Variants in RB1CC1 observed in about 807,000 individuals in gnomAD.
RB1CC1 encodes the protein RB1-inducible coiled-coil protein 1.
A neutral mutation model predicts 177.5 loss-of-function variants in RB1CC1; 46 were observed. The observed-to-expected ratio is 0.26, with a 90% confidence interval of 0.20 to 0.33. RB1CC1 has a LOEUF of 0.33. Ranked by LOEUF, RB1CC1 falls within the 10% of genes least tolerant of loss-of-function variation. The pLI is 1.00. For synonymous variants in RB1CC1, 666 were observed against 613.6 expected (o/e 1.09, Z -1.26); for missense variants, 1,703 against 1,816.3 (o/e 0.94, Z 1.13).
At chr8:52,626,115 G>A (rs1358940204) in intron 22 of RB1CC1, among the ~76,000 whole-genome samples, 2 of 152,130 alleles carry the variant, frequency 1.3e-5, no homozygotes, top group African/African-American at 4.8e-5. Flanking sequence ...ATGCTTGTAT[G>A]ATGCCAGAAG....
chr8:52,642,787 CTT>C lies in RB1CC1; in HGVS notation c.4011_4012del (p.Lys1340AsnfsTer9), dbSNP rs1563364716. ...TATGTTTTCTTTTCTCATTTTCTCT[CTT>C]GTTAAAACAGTGTTAAAATTGGTCT... On this transcript the variant is annotated frameshift_variant, in exon 17 of 24. Coordinates refer to ENST00000025008, the MANE Select transcript of RB1CC1 (RefSeq NM_014781.5). LOFTEE classifies it high-confidence loss of function. 6.4e-7 allele frequency: 1 copy of C among 1,565,048 alleles called. No individual in the cohort carries two copies. The highest frequency in any genetic ancestry group is 8.6e-7 in the Non-Finnish European group (1 of 1,164,614).
rs368417786 is a variant in RB1CC1 at position 52,636,016 on chromosome 8, C to T, written c.4391G>A (p.Arg1464Gln). The T allele has an allele frequency of 8.7e-6, 14 of 1,607,128 alleles. No individual in the cohort carries two copies. The highest frequency in any genetic ancestry group is 2.7e-5 in the African/African-American group (2 of 74,710). Reference sequence around the variant, plus strand: ...ACTTCAAGAAGATAATTTACTTACTCGTTCTAACAGCATTATCCGCTGTTT... The same window carrying T: ...ACTTCAAGAAGATAATTTACTTACTTGTTCTAACAGCATTATCCGCTGTTT... Reference protein sequence around the residue: ...EEKQRIMLLERTLQLKEEENK... With the variant: ...EEKQRIMLLEQTLQLKEEENK... The change falls in exon 19 of 24, where the codon CGA (arginine) becomes CAA (glutamine). Residue 1464 changes from arginine to glutamine, a missense_variant and splice_region_variant. Coordinates refer to ENST00000025008, the MANE Select transcript of RB1CC1 (RefSeq NM_014781.5).
At chr8:52,682,012 C>T (rs994065186) in intron 5 of RB1CC1, among the ~76,000 whole-genome samples, 1 of 152,156 alleles carries the variant, frequency 6.6e-6, no homozygotes, top group Non-Finnish European at 1.5e-5. Context: ...TCCTCCAGAC[C>T]CCAGAATGGA....
intron 16 of RB1CC1, among the ~76,000 whole-genome samples, chr8:52,644,320 T>C (rs773908245): frequency 7.2e-5 from 11 of 152,192 alleles, no homozygotes; most frequent in Non-Finnish European, 1.0e-4. Flanking sequence ...ATTTTATAAA[T>C]ATTAAAAGAG....
chr8:52,665,219 T>C (rs1476485510), intron 8 of RB1CC1, among the ~76,000 whole-genome samples: 2 of 152,282 alleles, frequency 1.3e-5, no homozygotes, highest in Middle Eastern at 3.4e-3. Flanking sequence ...TGATCTATAA[T>C]AGACAAAGAA....
At chr8:52,639,557 C>T (rs553054477) in intron 18 of RB1CC1, among the ~76,000 whole-genome samples, 123 of 152,260 alleles carry the variant, frequency 8.1e-4, no homozygotes, top group Admixed American at 1.3e-4. Flanking sequence ...ATGAAAAATA[C>T]TTCTAAATGT....
At chr8:52,679,386 C>G (rs987300792) in intron 5 of RB1CC1, among the ~76,000 whole-genome samples, 1 of 152,202 alleles carries the variant, frequency 6.6e-6, no homozygotes, top group African/African-American at 2.4e-5. Context: ...TGACCTGAAA[C>G]AAAGGCCTAT....
chr8:52,645,663 T>A (rs1433421764), intron 16 of RB1CC1, 39 bp downstream of exon 16: 1 of 1,579,480 alleles, frequency 6.3e-7, no homozygotes, highest in Non-Finnish European at 8.6e-7. Context: ...ATGTCTACCT[T>A]CTTTAGTTCT....
chr8:52,685,510 T>C lies in RB1CC1; in HGVS notation c.-41A>G, dbSNP rs766855132. ...TTCTGTGAGCTTATACCTCACCCTCTGATACAGTTACTAGAAGAAACAAGA... is the reference window on the plus strand; with the variant it reads ...TTCTGTGAGCTTATACCTCACCCTCCGATACAGTTACTAGAAGAAACAAGA... On this transcript the variant is annotated 5_prime_UTR_variant, in exon 3 of 24. Transcript: ENST00000025008. The C allele has an allele frequency of 8.1e-7, 1 of 1,234,290 alleles. No individual in the cohort carries two copies. The highest frequency in any genetic ancestry group is 1.3e-5 in the South Asian group (1 of 77,692). 76.5% of individuals were successfully genotyped at this position (1,234,290 alleles called of 1,614,324 possible).
rs1156483757 is a variant in RB1CC1 at position 52,642,640 on chromosome 8, C to A, written c.4097-49G>T. 1.9e-6 allele frequency: 3 copies of A among 1,597,176 alleles called. No homozygotes were observed. The African/African-American group carries it at 4.1e-5, about 22-fold the overall frequency. On this transcript the variant is annotated intron_variant, in intron 17 of 23. Coordinates refer to ENST00000025008, the MANE Select transcript of RB1CC1 (RefSeq NM_014781.5). ...AAGTATCATGTAATTAAAAAAACCA[C>A]TTTGCATGAATGTATCTTTTCCACT...
intron 8 of RB1CC1, among the ~76,000 whole-genome samples, chr8:52,662,356 TG>T (rs2150506257): frequency 6.6e-6 from 1 of 152,148 alleles, no homozygotes; most frequent in South Asian, 2.1e-4. Context: ...AGGTGAACGG[TG>T]TATCTGTCAA....
chr8:52,642,553 G>A lies in RB1CC1; in HGVS notation c.4135C>T (p.Leu1379Phe), dbSNP rs1425381921. The A allele has an allele frequency of 6.2e-7, 1 of 1,613,676 alleles. No homozygotes were observed. The highest frequency in any genetic ancestry group is 8.5e-7 in the Non-Finnish European group (1 of 1,179,948). The change falls in exon 18 of 24, where the codon CTT becomes TTT. Residue 1379 changes from leucine to phenylalanine, a missense_variant. Leu to Phe is a conservative substitution (Grantham distance 22, BLOSUM62 0). Around this residue, in one of 6 missense-constraint regions of RB1CC1, gnomAD observed 1,169 missense variants for 1,184.7 expected, o/e 0.99. Transcript: ENST00000025008. ...TCTTCAAGCTTTTTCTTTTCCTCAA[G>A]CAAACGAGCTCGATCTTCAGAAAGT... ...ESLSEDRARLLEEKKKLEEEV... is the reference protein window; with the variant it reads ...ESLSEDRARLFEEKKKLEEEV...
intron 15 of RB1CC1, among the ~76,000 whole-genome samples, chr8:52,648,425 C>A (rs1044475471): frequency 2.0e-5 from 3 of 152,096 alleles, no homozygotes; most frequent in African/African-American, 7.2e-5. Context: ...GGGGAATTAA[C>A]CCTAGCAATG....
chr8:52,631,250 A>T (rs375204361), intron 20 of RB1CC1, among the ~76,000 whole-genome samples: 9 of 152,168 alleles, frequency 5.9e-5, no homozygotes, highest in East Asian at 5.8e-4. Flanking sequence ...CAACAAAAAA[A>T]CCAAAAAGAT....
intron 16 of RB1CC1, among the ~76,000 whole-genome samples, chr8:52,645,462 C>T (rs1849933269): frequency 6.6e-6 from 1 of 152,094 alleles, no homozygotes; most frequent in Non-Finnish European, 1.5e-5. Flanking sequence ...CATTTTGAAG[C>T]ACCTGGTATT....
chr8:52,698,715 T>G (rs1855717531), intron 1 of RB1CC1, among the ~76,000 whole-genome samples: 1 of 55,366 alleles, frequency 1.8e-5, no homozygotes, highest in Non-Finnish European at 3.2e-5. Flanking sequence ...TTTTTTTTTT[T>G]TTTTTTTTTT....
chr8:52,653,535 C>G (rs570122587), intron 15 of RB1CC1, among the ~76,000 whole-genome samples: 2 of 152,074 alleles, frequency 1.3e-5, no homozygotes, highest in African/African-American at 4.8e-5. Flanking sequence ...CTTAACTTAC[C>G]AAGAGAATTC....
chr8:52,661,497 T>C, intron 9 of RB1CC1, 38 bp downstream of exon 9: 1 of 1,528,038 alleles, frequency 6.5e-7, no homozygotes, highest in Non-Finnish European at 8.8e-7. Flanking sequence ...AAATACCAAT[T>C]CTAAACATCT....
Position 52,654,277 on chromosome 8 carries a change from C to CT in RB1CC1, c.3821+1730dup, listed in dbSNP as rs1351013955. ...TTCCATAGGCTTTGCCCTTGCTCCT[C>CT]TTTTATGATCTCATATGCACTGCAA... On this transcript the variant is annotated intron_variant, in intron 15 of 23. Coordinates refer to ENST00000025008, the MANE Select transcript of RB1CC1 (RefSeq NM_014781.5). Among the ~76,000 whole-genome samples, 4 of 152,204 alleles carry CT rather than the reference C, an allele frequency of 2.6e-5. No homozygotes were observed. In the South Asian group the frequency reaches 6.2e-4, roughly 24 times the overall value.
Sources: allele counts gnomAD v4.1 joint callset (sites outside exome capture counted in the v4.1 genomes callset), GRCh38; gene constraint gnomAD v4.1.1; regional missense constraint gnomAD v4.1.1; transcripts MANE v1.5; gene names NCBI Gene and HGNC (gene_info 2026-07-23, HGNC 2026-07-21).